The following DCLK2 variants were observed in gnomAD, a reference collection of about 807,000 sequenced individuals.
The protein encoded by DCLK2 is serine/threonine-protein kinase DCLK2.
Under a neutral mutation model 78.4 loss-of-function variants are expected in DCLK2, and 31 were observed. The ratio of observed to expected loss-of-function variants is 0.40; its 90% CI spans 0.30 to 0.53. The LOEUF (loss-of-function observed/expected upper bound fraction) is 0.53, where lower values mean the gene tolerates loss of function less well. Ranked by LOEUF, DCLK2 falls within the 20% of genes least tolerant of loss-of-function variation. DCLK2 has a pLI of 0.61. For synonymous variants in DCLK2, 407 were observed against 374.9 expected (o/e 1.09, Z -0.99); for missense variants, 872 against 973.7 (o/e 0.90, Z 1.39).
intron 1 of DCLK2, among the ~76,000 whole-genome samples, chr4:150,083,021 C>T (rs1167545146): frequency 1.3e-5 from 2 of 152,194 alleles, no homozygotes; most frequent in Non-Finnish European, 2.9e-5. Flanking sequence ...ATCCTTTTCT[C>T]TAGGATGAGA....
intron 5 of DCLK2, among the ~76,000 whole-genome samples, chr4:150,206,698 T>C (rs1228134829): frequency 6.6e-6 from 1 of 152,222 alleles, no homozygotes; most frequent in East Asian, 1.9e-4. Context: ...TGTAAAACAC[T>C]GAATTTTACA....
intron 2 of DCLK2, among the ~76,000 whole-genome samples, chr4:150,132,799 T>C (rs1268924708): frequency 6.6e-6 from 1 of 152,148 alleles, no homozygotes; most frequent in African/African-American, 2.4e-5. Flanking sequence ...GGCTAGTTAT[T>C]TTACTTTTTG....
chr4:150,224,188 C>T (rs368302567), intron 7 of DCLK2, among the ~76,000 whole-genome samples: 1 of 151,038 alleles, frequency 6.6e-6, no homozygotes, highest in South Asian at 2.1e-4. Context: ...TTTTTGGGTA[C>T]CTTTGTCCCC....
chr4:150,201,816 G>GA (rs1172205566), intron 4 of DCLK2, among the ~76,000 whole-genome samples: 1 of 151,486 alleles, frequency 6.6e-6, no homozygotes, highest in African/African-American at 2.4e-5. Flanking sequence ...AAAAAAAAAG[G>GA]AAAAAAAGGA....
chr4:150,082,609 C>G (rs1187682224), intron 1 of DCLK2, among the ~76,000 whole-genome samples: 6 of 152,160 alleles, frequency 3.9e-5, no homozygotes, highest in Non-Finnish European at 7.4e-5. Context: ...GCTGTGCAGT[C>G]CTGTAATCCT....
intron 2 of DCLK2, among the ~76,000 whole-genome samples, chr4:150,174,024 A>G (rs929697274): frequency 6.6e-6 from 1 of 152,202 alleles, no homozygotes; most frequent in Non-Finnish European, 1.5e-5. Context: ...GGTATATCAA[A>G]ACATGAATTG....
chr4:150,245,571 A>T (rs1306533891), intron 12 of DCLK2, among the ~76,000 whole-genome samples: 1 of 151,880 alleles, frequency 6.6e-6, no homozygotes, highest in Admixed American at 6.6e-5. Context: ...CCTGTGTCCA[A>T]GTGTTCTCAT....
intron 5 of DCLK2, among the ~76,000 whole-genome samples, chr4:150,205,258 C>T (rs1739766753): frequency 1.3e-5 from 2 of 152,166 alleles, no homozygotes; most frequent in African/African-American, 2.4e-5. Flanking sequence ...CTTCTCAGAA[C>T]GTTTTGTTCT....
At chr4:150,232,857 A>T in intron 10 of DCLK2, 29 bp downstream of exon 10, 1 of 1,602,426 alleles carries the variant, frequency 6.2e-7, no homozygotes, top group Non-Finnish European at 8.5e-7. Context: ...TTCTGTTCCA[A>T]TGAATGCCTC....
chr4:150,099,878 TA>T (rs1479923318), intron 1 of DCLK2, among the ~76,000 whole-genome samples: 1 of 152,204 alleles, frequency 6.6e-6, no homozygotes, highest in Non-Finnish European at 1.5e-5. Context: ...CTCAAAACTT[TA>T]ATACAAGTTT....
intron 2 of DCLK2, among the ~76,000 whole-genome samples, chr4:150,192,150 T>G (rs1212384451): frequency 6.6e-6 from 1 of 152,048 alleles, no homozygotes; most frequent in African/African-American, 2.4e-5. Flanking sequence ...GAACTGAAAC[T>G]AATACAGTAT....
intron 2 of DCLK2, among the ~76,000 whole-genome samples, chr4:150,111,152 T>C (rs1731666162): frequency 6.6e-6 from 1 of 152,184 alleles, no homozygotes; most frequent in African/African-American, 2.4e-5. Flanking sequence ...TCTATTTTTT[T>C]TTGACTTTTT....
intron 2 of DCLK2, among the ~76,000 whole-genome samples, chr4:150,104,515 A>G (rs1223000864): frequency 2.0e-5 from 3 of 151,722 alleles, no homozygotes; most frequent in East Asian, 3.9e-4. Flanking sequence ...GTTCCAGACT[A>G]TAGATGTAAA....
Position 150,232,793 on chromosome 4 carries a change from A to G in DCLK2, c.1531A>G (p.Ile511Val), listed in dbSNP as rs150687721. ...NALRYLHGLS[I>V]VHRDIKPENL... Reference sequence around the variant, plus strand: ...CCTCAGGTATCTCCATGGCCTCAGCATCGTGCACAGAGACATCAAACCAGA... The same window carrying G: ...CCTCAGGTATCTCCATGGCCTCAGCGTCGTGCACAGAGACATCAAACCAGA... Residue 511 changes from isoleucine to valine, a missense_variant, in exon 10 of 16, where the codon ATC becomes GTC. Ile to Val is a conservative substitution (Grantham distance 29). Transcript: ENST00000296550. 500 of 1,614,126 alleles carry G rather than the reference A, an allele frequency of 3.1e-4. No homozygotes were observed. The highest frequency in any genetic ancestry group is 3.8e-4 in the Non-Finnish European group (453 of 1,179,988).
At chr4:150,124,614 A>G (rs2150187241) in intron 2 of DCLK2, among the ~76,000 whole-genome samples, 1 of 152,332 alleles carries the variant, frequency 6.6e-6, no homozygotes, top group African/African-American at 2.4e-5. Context: ...TGGCTGTCAC[A>G]TGCCATTTTG....
At chr4:150,164,045 ATAGGCATAAG>A (rs1735893173) in intron 2 of DCLK2, among the ~76,000 whole-genome samples, 1 of 152,198 alleles carries the variant, frequency 6.6e-6, no homozygotes, top group African/African-American at 2.4e-5. Context: ...TGCTGGAATT[ATAGGCATAAG>A]CCACTGCACC....
chr4:150,091,767 T>TTGTGTGTG (rs777556852), intron 1 of DCLK2, among the ~76,000 whole-genome samples: 23 of 133,718 alleles, frequency 1.7e-4, no homozygotes, highest in African/African-American at 5.3e-4. Context: ...AAAGGAACAT[T>TTGTGTGTG]TATGTGTGTG....
intron 13 of DCLK2, among the ~76,000 whole-genome samples, 199 bp downstream of exon 13, chr4:150,247,898 A>G (rs1743455028): frequency 6.6e-6 from 1 of 152,214 alleles, no homozygotes; most frequent in African/African-American, 2.4e-5. Context: ...CCATCTTTCC[A>G]GTTTCCCTCC....
intron 2 of DCLK2, among the ~76,000 whole-genome samples, chr4:150,172,529 C>A (rs557183153): frequency 6.7e-6 from 1 of 149,712 alleles, no homozygotes; most frequent in African/African-American, 2.5e-5. Context: ...ATGGCGTGAA[C>A]CCGGGAGGCG....
Sources: gnomAD v4.1 joint callset for allele counts (sites outside exome capture counted in the v4.1 genomes callset) on GRCh38, gnomAD v4.1.1 for gene constraint, MANE v1.5 for transcripts, NCBI Gene and HGNC (gene_info 2026-07-23, HGNC 2026-07-21) for gene names.